DYNC2H1: variants seen among roughly 807,000 people sequenced by gnomAD.
DYNC2H1 encodes the protein cytoplasmic dynein 2 heavy chain 1.
In DYNC2H1, 410 loss-of-function variants were observed where a neutral mutation model predicts 570.0. The ratio of observed to expected loss-of-function variants is 0.72; its 90% confidence interval spans 0.66 to 0.78. The LOEUF is 0.78. Among genes scored for constraint, DYNC2H1 ranks in the 30% least tolerant of loss-of-function variants. The pLI is 0.00. For missense variants in DYNC2H1, 4,865 were observed against 5,046.4 expected (o/e 0.96, Z 1.09); for synonymous variants, 1,688 against 1,677.6 (o/e 1.01, Z -0.15).
At chr11:103,341,590 A>G (rs564297431) in intron 82 of DYNC2H1, among the ~76,000 whole-genome samples, 1 of 152,140 alleles carries the variant, frequency 6.6e-6, no homozygotes, top group Non-Finnish European at 1.5e-5. Context: ...TTTTGGGGCA[A>G]TTCTTAGGCA....
At chr11:103,266,698 G>T in intron 70 of DYNC2H1, among the ~76,000 whole-genome samples, 1 of 152,152 alleles carries the variant, frequency 6.6e-6, no homozygotes, top group East Asian at 1.9e-4. Flanking sequence ...GGGAGGGAGC[G>T]CATGGGCTGG....
intron 70 of DYNC2H1, among the ~76,000 whole-genome samples, chr11:103,274,510 C>CTA (rs34235768): frequency 0.19 from 28,468 of 151,844 alleles, 3,553 homozygotes; most frequent in African/African-American, 0.36. Flanking sequence ...TTACCTTAAA[C>CTA]TATATGTTAT....
intron 18 of DYNC2H1, among the ~76,000 whole-genome samples, chr11:103,143,728 G>A (rs781278629): frequency 6.6e-6 from 1 of 152,074 alleles, no homozygotes; most frequent in Non-Finnish European, 1.5e-5. Flanking sequence ...ACAATATAAA[G>A]CTAGTGACAT....
At position 103,191,526 on chromosome 11, in the gene DYNC2H1, A is replaced by G; in HGVS notation, c.7447A>G (p.Lys2483Glu). The G allele has an allele frequency of 6.2e-7, 1 of 1,604,924 alleles. No homozygotes were observed. ...GTATTTTCTTTTTCAGGTGCGAGCC[A>G]AATTTACAGTTGATGATTATAGTCA... ...MVQVYEQVRA[K>E]FTVDDYSHYF... is the part of the protein sequence containing the mutation. Residue 2483 changes from lysine to glutamate, a missense_variant, in exon 46 of 89, where the codon AAA becomes GAA. Lys to Glu is a moderately conservative substitution (Grantham distance 56). This residue lies in a region of DYNC2H1 where 2,401 missense variants were observed against 2,454.6 expected (regional missense o/e 0.98). Transcript: ENST00000375735.
intron 1 of DYNC2H1, 28 bp downstream of exon 1, chr11:103,109,797 C>T: frequency 6.3e-7 from 1 of 1,594,246 alleles, no homozygotes; most frequent in South Asian, 1.1e-5. Context: ...CCTGCCTGAC[C>T]CCTGACCACT....
chr11:103,231,086 G>GGAAA (rs1467637265), intron 59 of DYNC2H1, among the ~76,000 whole-genome samples, 174 bp from the exon 60 acceptor site: 2 of 152,020 alleles, frequency 1.3e-5, no homozygotes, highest in African/African-American at 4.8e-5. Flanking sequence ...TTGGGTCAGA[G>GGAAA]GAAACACTTC....
intron 25 of DYNC2H1, among the ~76,000 whole-genome samples, chr11:103,155,800 T>C (rs921184804): frequency 2.6e-5 from 4 of 152,194 alleles, no homozygotes; most frequent in Non-Finnish European, 5.9e-5. Context: ...AGTGACAGAC[T>C]TTTAGTGTTG....
At chr11:103,315,541 A>AT (rs149674007) in intron 79 of DYNC2H1, among the ~76,000 whole-genome samples, 25,161 of 151,880 alleles carry the variant, frequency 0.17, 2,269 homozygotes, top group Admixed American at 0.25. Flanking sequence ...TTCATACTCC[A>AT]TTACAATCCA....
At chr11:103,176,955 C>T (rs966278353) in intron 37 of DYNC2H1, among the ~76,000 whole-genome samples, 1 of 152,148 alleles carries the variant, frequency 6.6e-6, no homozygotes, top group Admixed American at 6.5e-5. Flanking sequence ...ATCTGCCCAC[C>T]TTGGTCTCCC....
intron 83 of DYNC2H1, among the ~76,000 whole-genome samples, chr11:103,368,235 C>A (rs940391086): frequency 7.9e-5 from 12 of 152,108 alleles, no homozygotes; most frequent in African/African-American, 2.7e-4. Flanking sequence ...TGTAAGTGTT[C>A]CCTTTTCTCA....
chr11:103,437,209 C>T (rs913455409), intron 85 of DYNC2H1, among the ~76,000 whole-genome samples: 2 of 152,010 alleles, frequency 1.3e-5, no homozygotes, highest in Non-Finnish European at 1.5e-5. Flanking sequence ...AATTCCTGTC[C>T]TTCTCTCTCA....
Position 103,369,212 on chromosome 11 carries a change from A to C in DYNC2H1, c.12156+10853A>C, listed in dbSNP as rs116974046. Among the ~76,000 whole-genome samples, 646 of 152,258 alleles carry C rather than the reference A, an allele frequency of 4.2e-3. 6 individuals are homozygous for C. Among genetic ancestry groups the C allele is most frequent in the Non-Finnish European group, 5.8e-3 (393 of 68,024 alleles). On this transcript the variant is annotated intron_variant, in intron 83 of 88. Coordinates refer to ENST00000375735, the MANE Select transcript of DYNC2H1 (RefSeq NM_001377.3). This position sits in a 1 kb window ranked among gnomAD's most constrained non-coding sequence, Gnocchi z 4.0. ...GAGGCACTGAACCCAGTGCTGCCCT[A>C]TTATAACAGAAAACAAAATGGCTGA...
intron 69 of DYNC2H1, among the ~76,000 whole-genome samples, chr11:103,259,115 G>T (rs541281177): frequency 6.6e-6 from 1 of 152,106 alleles, no homozygotes; most frequent in East Asian, 1.9e-4. Flanking sequence ...GTTTTACTAG[G>T]TTTTTTTCTT....
Position 103,256,275 on chromosome 11 carries a change from T to C in DYNC2H1, c.10461+35T>C. 1 of 1,554,334 alleles carries C rather than the reference T, an allele frequency of 6.4e-7. No homozygotes were observed. On this transcript the variant is annotated intron_variant, in intron 68 of 88. Transcript: ENST00000375735. This position sits in a 1 kb window ranked among gnomAD's most constrained non-coding sequence, Gnocchi z 4.0. ...TCCTTCTTTGTAATTTCGTATTATG[T>C]TTTCTTGAACATTTAGGTTAATATG...
At chr11:103,234,336 A>G (rs536401521) in intron 61 of DYNC2H1, among the ~76,000 whole-genome samples, 176 bp downstream of exon 61, 1 of 152,146 alleles carries the variant, frequency 6.6e-6, no homozygotes, top group East Asian at 1.9e-4. Flanking sequence ...GCGTCTTTAT[A>G]TGAATAGATT....
intron 75 of DYNC2H1, among the ~76,000 whole-genome samples, chr11:103,297,223 G>A (rs1452700533): frequency 1.3e-5 from 2 of 151,982 alleles, no homozygotes; most frequent in Non-Finnish European, 2.9e-5. Context: ...GATCAGTACA[G>A]AACTTTTGAT....
intron 69 of DYNC2H1, among the ~76,000 whole-genome samples, chr11:103,259,272 C>A (rs1438772627): frequency 2.6e-5 from 4 of 152,110 alleles, no homozygotes; most frequent in Admixed American, 2.6e-4. Context: ...TGACAACCTA[C>A]CCTTCCTCCA....
chr11:103,406,023 T>G (rs927320921), intron 84 of DYNC2H1, among the ~76,000 whole-genome samples: 25 of 152,012 alleles, frequency 1.6e-4, no homozygotes, highest in Admixed American at 7.9e-4. Context: ...GATTAGGATG[T>G]TTAGCTGTTA....
chr11:103,175,322 T>C (rs1046563139), intron 36 of DYNC2H1, among the ~76,000 whole-genome samples: 1 of 152,228 alleles, frequency 6.6e-6, no homozygotes, highest in Non-Finnish European at 1.5e-5. Flanking sequence ...TATTATTAGG[T>C]TGGCGTATGC....
Sources: gnomAD v4.1 joint callset for allele counts (sites outside exome capture counted in the v4.1 genomes callset) on GRCh38, gnomAD v4.1.1 for gene constraint, gnomAD v4.1.1 regional missense constraint, Gnocchi (gnomAD v3.1) non-coding constraint, MANE v1.5 for transcripts, NCBI Gene and HGNC (gene_info 2026-07-23, HGNC 2026-07-21) for gene names.